The following DRC8 variants were observed in gnomAD, a reference collection of about 807,000 sequenced individuals.
DRC8 encodes dynein regulatory complex protein 8.
At chr1:245,123,939 A>T in the DRC8 span, 1 of 151,518 alleles carries the variant, frequency 6.6e-6, no homozygotes, top group East Asian at 1.9e-4. The surrounding 1 kb of genome is among the most constrained non-coding windows in gnomAD (Gnocchi z 5.0). Context: ...ACAGGGTCTC[A>T]CTCTATCACT....
the DRC8 span, among the ~76,000 whole-genome samples, chr1:245,074,989 A>T: frequency 6.6e-6 from 1 of 152,218 alleles, no homozygotes; most frequent in Non-Finnish European, 1.5e-5. Context: ...ACCTGGAACT[A>T]GCTGAAATGC....
At chr1:244,987,942 A>C in the DRC8 span, among the ~76,000 whole-genome samples, 1 of 152,100 alleles carries the variant, frequency 6.6e-6, no homozygotes, top group Non-Finnish European at 1.5e-5. Context: ...TTATATCCTT[A>C]GGTGATTTGA....
the DRC8 span, chr1:245,059,602 A>G: frequency 6.6e-6 from 4 of 605,038 alleles, no homozygotes; most frequent in Admixed American, 6.8e-5. Context: ...ATAACTATTC[A>G]TATTAGCCAA....
chr1:244,975,182 G>A, the DRC8 span, among the ~76,000 whole-genome samples: 1 of 152,054 alleles, frequency 6.6e-6, no homozygotes, highest in East Asian at 1.9e-4. Context: ...CGCCCACCTC[G>A]GCCTCCCAAA....
At chr1:245,104,130 A>G in the DRC8 span, among the ~76,000 whole-genome samples, 1 of 152,232 alleles carries the variant, frequency 6.6e-6, no homozygotes, top group Admixed American at 6.5e-5. Context: ...GTTATTGTGC[A>G]GCTGGTTTTG....
At chr1:245,061,963 G>A in the DRC8 span, among the ~76,000 whole-genome samples, 234 of 152,176 alleles carry the variant, frequency 1.5e-3, 2 homozygotes, top group African/African-American at 5.6e-3. Flanking sequence ...AAAAATAGCT[G>A]GGTGTGGTGG....
the DRC8 span, among the ~76,000 whole-genome samples, chr1:245,008,855 G>T: frequency 1.3e-5 from 2 of 150,646 alleles, no homozygotes; most frequent in African/African-American, 4.9e-5. Context: ...AAAAAATTTT[G>T]TGTGTGTGTG....
chr1:245,013,249 C>G, the DRC8 span, among the ~76,000 whole-genome samples: 1 of 152,116 alleles, frequency 6.6e-6, no homozygotes, highest in Non-Finnish European at 1.5e-5. Context: ...TTTTCTTTGT[C>G]TCTCTCTTGG....
chr1:245,090,278 A>G, the DRC8 span, among the ~76,000 whole-genome samples: 1 of 152,282 alleles, frequency 6.6e-6, no homozygotes, highest in East Asian at 1.9e-4. Flanking sequence ...TCGGGGCCCT[A>G]AAAGGGCAAG....
At chr1:245,112,971 C>G in the DRC8 span, among the ~76,000 whole-genome samples, 1 of 152,118 alleles carries the variant, frequency 6.6e-6, no homozygotes, top group Non-Finnish European at 1.5e-5. Context: ...CCAGGTTGGT[C>G]TCGAACTCCT....
chr1:244,972,432 C>T, the DRC8 span, among the ~76,000 whole-genome samples: 1 of 152,188 alleles, frequency 6.6e-6, no homozygotes, highest in Admixed American at 6.5e-5. Context: ...TCCTTGTAGT[C>T]CGTGGACAGC....
the DRC8 span, among the ~76,000 whole-genome samples, chr1:245,037,675 A>G: frequency 7.9e-5 from 12 of 152,344 alleles, no homozygotes; most frequent in African/African-American, 2.4e-4. Context: ...TAAATGGTAG[A>G]AGGTAGAAAA....
At chr1:245,086,284 C>T in the DRC8 span, among the ~76,000 whole-genome samples, 6 of 152,136 alleles carry the variant, frequency 3.9e-5, no homozygotes, top group East Asian at 1.9e-4. Flanking sequence ...ATCTAAGTTA[C>T]GATTTAATAT....
At chr1:244,989,945 G>A in the DRC8 span, among the ~76,000 whole-genome samples, 8 of 152,186 alleles carry the variant, frequency 5.3e-5, no homozygotes, top group East Asian at 1.9e-4. Flanking sequence ...GTATCATGAC[G>A]AAATCTCTCT....
At chr1:245,028,241 A>T in the DRC8 span, among the ~76,000 whole-genome samples, 1 of 152,134 alleles carries the variant, frequency 6.6e-6, no homozygotes, top group Non-Finnish European at 1.5e-5. Flanking sequence ...TACTTGAATG[A>T]CATCTTATAA....
the DRC8 span, among the ~76,000 whole-genome samples, chr1:245,037,427 T>G: frequency 6.6e-6 from 1 of 152,332 alleles, no homozygotes; most frequent in Admixed American, 6.5e-5. Flanking sequence ...AATTCACACA[T>G]TCATAATTTT....
At chr1:245,063,591 C>T in the DRC8 span, among the ~76,000 whole-genome samples, 1 of 152,152 alleles carries the variant, frequency 6.6e-6, no homozygotes, top group Non-Finnish European at 1.5e-5. Context: ...GATCATCATT[C>T]AATTACATTT....
the DRC8 span, among the ~76,000 whole-genome samples, chr1:244,992,705 A>C: frequency 1.3e-5 from 2 of 152,210 alleles, no homozygotes; most frequent in Non-Finnish European, 2.9e-5. Flanking sequence ...GTGCCACTGC[A>C]CCGCAGCCTG....
At chr1:244,987,319 G>C in the DRC8 span, among the ~76,000 whole-genome samples, 3 of 151,260 alleles carry the variant, frequency 2.0e-5, no homozygotes, top group African/African-American at 7.3e-5. Flanking sequence ...TCATTCCTCC[G>C]CCTTCCGAGT....
Sources: allele counts gnomAD v4.1 joint callset (sites outside exome capture counted in the v4.1 genomes callset), GRCh38; gene constraint gnomAD v4.1.1; non-coding constraint Gnocchi (gnomAD v3.1); transcripts MANE v1.5; gene names NCBI Gene and HGNC (gene_info 2026-07-23, HGNC 2026-07-21).